The following MYO10 variants were observed in gnomAD, a reference collection of about 807,000 sequenced individuals.
MYO10 encodes the protein myosin X.
MYO10 carries 133 observed loss-of-function variants against 257.3 expected under a neutral mutation model. The observed-to-expected ratio is 0.52, with a 90% CI of 0.45 to 0.60. MYO10 has a LOEUF of 0.60. Among genes scored for constraint, MYO10 ranks in the 20% least tolerant of loss-of-function variants. The pLI is 0.00. For missense variants in MYO10, 2,399 were observed against 2,635.7 expected, an observed-to-expected ratio of 0.91 and a Z score of 1.97; for synonymous variants, 1,104 against 1,028.6, an observed-to-expected ratio of 1.07 and a Z score of -1.40.
chr5:16,885,942 G>A (rs750724757), intron 1 of MYO10, among the ~76,000 whole-genome samples: 3 of 152,210 alleles, frequency 2.0e-5, no homozygotes, highest in Non-Finnish European at 4.4e-5. Context: ...CATAGCAGTC[G>A]GTGGCCTTCA....
chr5:16,858,834 C>G (rs7704077), intron 2 of MYO10, among the ~76,000 whole-genome samples: 1 of 151,876 alleles, frequency 6.6e-6, no homozygotes, highest in African/African-American at 2.4e-5. Context: ...GGCATGTGCC[C>G]GTAATCCCAG....
At chr5:16,705,216 C>T (rs1738276565) in intron 21 of MYO10, among the ~76,000 whole-genome samples, 1 of 152,182 alleles carries the variant, frequency 6.6e-6, no homozygotes, top group Non-Finnish European at 1.5e-5. Context: ...GCTTCAAAAA[C>T]TTAAATGCAC....
At chr5:16,749,509 C>T (rs1740321071) in intron 19 of MYO10, among the ~76,000 whole-genome samples, 1 of 151,384 alleles carries the variant, frequency 6.6e-6, no homozygotes, top group Admixed American at 6.6e-5. Context: ...AAAAGATAAA[C>T]CCTATCCCAA....
In MYO10 at chr5:16,671,533, G is replaced by C; in HGVS notation, c.5319C>G (p.Ala1773=). 1 of 1,613,952 alleles carries C rather than the reference G, an allele frequency of 6.2e-7. No homozygotes were observed. Among genetic ancestry groups the C allele is most frequent in the Non-Finnish European group, 8.5e-7 (1 of 1,179,864 alleles). ...DVLAKFEKLA[A]TSEVGDLPWK... ...ATGGCAGGTCCCCAACCTCGGATGT[G>C]GCAGCCAGCCTACAGAGAGGAGTCA... The change falls in exon 38 of 41, where the codon GCC becomes GCG. Residue 1773 remains alanine, a synonymous_variant. Coordinates refer to ENST00000513610, the MANE Select transcript of MYO10 (RefSeq NM_012334.3).
At chr5:16,845,784 T>C (rs1743616878) in intron 2 of MYO10, among the ~76,000 whole-genome samples, 1 of 151,952 alleles carries the variant, frequency 6.6e-6, no homozygotes, top group African/African-American at 2.4e-5. Flanking sequence ...GCTAACATGG[T>C]GAAACCCCAT....
intron 1 of MYO10, among the ~76,000 whole-genome samples, chr5:16,912,802 GCACACACACA>G (rs70943817): frequency 5.6e-4 from 62 of 111,646 alleles, no homozygotes; most frequent in Middle Eastern, 0.01. Flanking sequence ...CTACCACCCT[GCACACACACA>G]CACACACACA....
intron 2 of MYO10, among the ~76,000 whole-genome samples, chr5:16,833,357 G>A (rs1374364804): frequency 6.6e-6 from 1 of 151,898 alleles, no homozygotes. Flanking sequence ...GGGAGTACAG[G>A]TGTCCACCAC....
Position 16,877,682 on chromosome 5 carries a change from T to C in MYO10, c.47A>G (p.Asn16Ser). The C allele has an allele frequency of 6.2e-7, 1 of 1,613,558 alleles. No individual in the cohort carries two copies. Among genetic ancestry groups the C allele is most frequent in the Non-Finnish European group, 8.5e-7 (1 of 1,179,744 alleles). ...TEGTRVWLRENGQHFPSTVNS... is the reference protein window; with the variant it reads ...TEGTRVWLRESGQHFPSTVNS... ...TACAGTACTTGGAAAATGCTGGCCATTTTCTCTCAGCCAGACCCGTGTTCC... is the reference window on the plus strand; with the variant it reads ...TACAGTACTTGGAAAATGCTGGCCACTTTCTCTCAGCCAGACCCGTGTTCC... The change falls in exon 2 of 41, where the codon AAT (asparagine) becomes AGT (serine). Residue 16 changes from asparagine to serine, a missense_variant. Physicochemically the swap from Asn to Ser is conservative, Grantham distance 46. Around this residue, in one of 3 missense-constraint regions of MYO10, gnomAD observed 242 missense variants for 249.5 expected, o/e 0.97. Coordinates refer to ENST00000513610, the MANE Select transcript of MYO10 (RefSeq NM_012334.3).
chr5:16,715,652 G>A (rs565515053), intron 19 of MYO10, among the ~76,000 whole-genome samples: 72 of 151,640 alleles, frequency 4.7e-4, no homozygotes, highest in African/African-American at 1.7e-3. Context: ...CTCTGGTGAC[G>A]GCTGCACATA....
chr5:16,675,105 T>C lies in MYO10; in HGVS notation c.4712A>G (p.Lys1571Arg), dbSNP rs183038036. ...CAGTTGCTGCAGGGAATTGAATATC[T>C]TGATGGCCTCATCCTGAAGGGTGGT... Reference protein sequence around the residue: ...GYTTLQDEAIKIFNSLQQLES... With the variant: ...GYTTLQDEAIRIFNSLQQLES... Residue 1571 changes from lysine to arginine, a missense_variant, in exon 35 of 41, where the codon AAG becomes AGG. Physicochemically the swap from Lys to Arg is conservative, Grantham distance 26. This residue lies in a region of MYO10 where 1,820 missense variants were observed against 1,939.4 expected (regional missense o/e 0.94). Transcript: ENST00000513610. The C allele has an allele frequency of 5.2e-5, 84 of 1,613,990 alleles. No individual in the cohort carries two copies. The East Asian group carries it at 1.4e-3, about 26-fold the overall frequency.
At chr5:16,733,848 G>T (rs1014022829) in intron 19 of MYO10, among the ~76,000 whole-genome samples, 1 of 152,142 alleles carries the variant, frequency 6.6e-6, no homozygotes, top group African/African-American at 2.4e-5. Flanking sequence ...GGGGCGCCAC[G>T]AGTTGACGGC....
intron 4 of MYO10, among the ~76,000 whole-genome samples, chr5:16,791,545 T>TACACACAC (rs71595985): frequency 2.8e-5 from 1 of 35,602 alleles, no homozygotes; most frequent in African/African-American, 9.3e-5. Flanking sequence ...AATACATACA[T>TACACACAC]ACACACACAC....
At position 16,670,670 on chromosome 5, in the gene MYO10, A is replaced by G; in HGVS notation, c.5739T>C (p.Ile1913=). 4 of 1,613,994 alleles carry G rather than the reference A, an allele frequency of 2.5e-6. No homozygotes were observed. Among genetic ancestry groups the G allele is most frequent in the Non-Finnish European group, 3.4e-6 (4 of 1,179,882 alleles). ...VEEEQMLDMW[I]KEEVSSARAS... is the part of the protein sequence containing the mutation. The stretch of plus-strand genomic sequence containing the variant: ...CTCGAGCAGAGGAGACTTCTTCCTT[A>G]ATCCACATGTCCAGCATCTGCTCCT... Residue 1913 remains isoleucine (I), a synonymous_variant, in exon 39 of 41, where the codon ATT becomes ATC. Coordinates refer to ENST00000513610, the MANE Select transcript of MYO10 (RefSeq NM_012334.3).
chr5:16,825,191 A>T (rs1742963743), intron 2 of MYO10, among the ~76,000 whole-genome samples: 1 of 151,420 alleles, frequency 6.6e-6, no homozygotes, highest in Non-Finnish European at 1.5e-5. Flanking sequence ...TCTTCCTGCT[A>T]CTCTCCTCCT....
At chr5:16,848,047 T>A (rs1159844448) in intron 2 of MYO10, among the ~76,000 whole-genome samples, 1 of 151,956 alleles carries the variant, frequency 6.6e-6, no homozygotes, top group Non-Finnish European at 1.5e-5. Context: ...AAAGGAAGCA[T>A]CACCTAGCCA....
chr5:16,847,415 C>T (rs1451540618), intron 2 of MYO10, among the ~76,000 whole-genome samples: 1 of 135,356 alleles, frequency 7.4e-6, no homozygotes, highest in East Asian at 2.1e-4. Context: ...CAGAGCGAGA[C>T]TCCACCTCAA....
intron 1 of MYO10, among the ~76,000 whole-genome samples, chr5:16,886,797 T>C (rs1043804051): frequency 2.0e-5 from 3 of 151,822 alleles, no homozygotes; most frequent in Non-Finnish European, 2.9e-5. Context: ...CTGGATGTGG[T>C]GGCACGGGCT....
intron 2 of MYO10, among the ~76,000 whole-genome samples, chr5:16,840,437 G>A (rs1440842226): frequency 9.0e-6 from 1 of 111,400 alleles, no homozygotes. Context: ...ATGAATGAAT[G>A]AATGAATGAA....
intron 2 of MYO10, among the ~76,000 whole-genome samples, chr5:16,823,723 T>C (rs62369348): frequency 7.4e-5 from 11 of 148,426 alleles, no homozygotes; most frequent in South Asian, 4.4e-4. Context: ...CTGCCCGCCT[T>C]GGCCTCCCAA....
Sources: gnomAD v4.1 joint callset for allele counts (sites outside exome capture counted in the v4.1 genomes callset) on GRCh38, gnomAD v4.1.1 for gene constraint, gnomAD v4.1.1 regional missense constraint, MANE v1.5 for transcripts, NCBI Gene and HGNC (gene_info 2026-07-23, HGNC 2026-07-21) for gene names.